Variants in WWOX observed in about 807,000 individuals in gnomAD.
The protein encoded by WWOX is WW domain-containing oxidoreductase.
In WWOX, 69 loss-of-function variants were observed where a neutral mutation model predicts 46.2. The ratio of observed to expected loss-of-function variants is 1.49; its 90% CI spans 1.23 to 1.82. The LOEUF (loss-of-function observed/expected upper bound fraction) is 1.82, where lower values mean the gene tolerates loss of function less well. WWOX is among the 40% of genes most tolerant of loss of function. The probability of loss-of-function intolerance (pLI) is 0.00; values close to 1 mark genes in which losing one functional copy is unlikely to be tolerated. For missense variants in WWOX, 919 were observed against 542.6 expected (o/e 1.69, Z -6.89); for synonymous variants, 359 against 202.6 (o/e 1.77, Z -6.56).
chr16:78,941,749 C>G (rs560206140), intron 8 of WWOX, among the ~76,000 whole-genome samples: 202 of 152,186 alleles, frequency 1.3e-3, no homozygotes, highest in African/African-American at 4.7e-3. Context: ...AATCGCCTTA[C>G]AATGAAATTA....
intron 8 of WWOX, among the ~76,000 whole-genome samples, chr16:78,919,568 A>C (rs192904939): frequency 6.6e-5 from 9 of 137,172 alleles, no homozygotes; most frequent in Admixed American, 1.6e-4. Context: ...TGCCAGATGG[A>C]GCACAATGGC....
At chr16:78,556,773 T>C (rs2044307709) in intron 8 of WWOX, among the ~76,000 whole-genome samples, 1 of 152,050 alleles carries the variant, frequency 6.6e-6, no homozygotes, top group Admixed American at 6.5e-5. Context: ...TGGAGTGAAG[T>C]GGCATGATCT....
At chr16:79,018,883 G>A (rs1432872775) in intron 8 of WWOX, among the ~76,000 whole-genome samples, 2 of 152,042 alleles carry the variant, frequency 1.3e-5, no homozygotes, top group Non-Finnish European at 2.9e-5. Context: ...GGGCGTGGTG[G>A]CTCACCCATG....
chr16:78,968,467 G>A (rs2046407200), intron 8 of WWOX, among the ~76,000 whole-genome samples: 1 of 152,214 alleles, frequency 6.6e-6, no homozygotes, highest in African/African-American at 2.4e-5. Context: ...TGCAAAATGA[G>A]ATGGCAGTCT....
At chr16:78,432,374 CG>C (rs2083242064) in intron 7 of WWOX, 113 bp from the exon 8 acceptor site, 2 of 1,412,250 alleles carry the variant, frequency 1.4e-6, no homozygotes, top group African/African-American at 2.8e-5. Context: ...CCAAAGTGCT[CG>C]GATTACAGAT....
chr16:78,469,500 C>A (rs1029958680), intron 8 of WWOX, among the ~76,000 whole-genome samples: 1 of 152,052 alleles, frequency 6.6e-6, no homozygotes. Context: ...GATGGTGTTA[C>A]GAATTACCCA....
At chr16:78,574,222 G>C (rs187950788) in intron 8 of WWOX, among the ~76,000 whole-genome samples, 4 of 152,288 alleles carry the variant, frequency 2.6e-5, no homozygotes, top group African/African-American at 4.8e-5. Context: ...TGGTCAACAA[G>C]ATGGTGTCTT....
chr16:78,790,199 C>T (rs1019852703), intron 8 of WWOX, among the ~76,000 whole-genome samples: 6 of 151,996 alleles, frequency 3.9e-5, no homozygotes, highest in East Asian at 3.9e-4. Context: ...TGCAGTGGTG[C>T]GATCTCAGCT....
chr16:78,615,228 C>T (rs2045993743), intron 8 of WWOX, among the ~76,000 whole-genome samples: 1 of 152,128 alleles, frequency 6.6e-6, no homozygotes, highest in African/African-American at 2.4e-5. Flanking sequence ...AGGGCATCAC[C>T]ACTGTTGAAG....
chr16:78,660,671 G>T (rs2047189020), intron 8 of WWOX, among the ~76,000 whole-genome samples: 1 of 152,148 alleles, frequency 6.6e-6, no homozygotes, highest in Non-Finnish European at 1.5e-5. Flanking sequence ...AAACGTTTCA[G>T]ACCTTTCAGT....
chr16:79,012,301 C>T (rs143526372), intron 8 of WWOX, among the ~76,000 whole-genome samples: 3 of 152,112 alleles, frequency 2.0e-5, no homozygotes, highest in East Asian at 1.9e-4. Context: ...GGTGCAATCT[C>T]GACTCACTGC....
chr16:78,527,295 T>C (rs1307113805), intron 8 of WWOX, among the ~76,000 whole-genome samples: 1 of 68,890 alleles, frequency 1.5e-5, no homozygotes, highest in East Asian at 9.1e-4. Flanking sequence ...TTTTTTTCTT[T>C]CTTTTTTTTT....
At chr16:78,334,808 G>GCGCACACACA (rs1555521509) in intron 5 of WWOX, among the ~76,000 whole-genome samples, 2 of 78,754 alleles carry the variant, frequency 2.5e-5, no homozygotes, top group Non-Finnish European at 5.8e-5. Flanking sequence ...ACACACACAC[G>GCGCACACACA]CACACACACA....
chr16:78,513,630 G>C (rs897837053), intron 8 of WWOX, among the ~76,000 whole-genome samples: 1 of 152,198 alleles, frequency 6.6e-6, no homozygotes, highest in Non-Finnish European at 1.5e-5. Context: ...TTGCCTGTGA[G>C]TCCCACTGAT....
chr16:78,777,866 G>A (rs998913898), intron 8 of WWOX, among the ~76,000 whole-genome samples: 1 of 151,896 alleles, frequency 6.6e-6, no homozygotes, highest in South Asian at 2.1e-4. Flanking sequence ...CCAGCATGGT[G>A]AAACCCTGTC....
intron 8 of WWOX, among the ~76,000 whole-genome samples, chr16:78,479,659 T>A (rs558568474): frequency 6.6e-6 from 1 of 152,302 alleles, no homozygotes; most frequent in Admixed American, 6.5e-5. Context: ...ATGATTGACA[T>A]GGAGGTTCAT....
intron 8 of WWOX, among the ~76,000 whole-genome samples, chr16:78,449,973 T>C (rs1402854075): frequency 2.0e-5 from 3 of 151,968 alleles, no homozygotes; most frequent in South Asian, 2.1e-4. Context: ...ATCTAGACTA[T>C]ATGTAATCCT....
At chr16:79,025,027 T>C (rs555377142) in intron 8 of WWOX, among the ~76,000 whole-genome samples, 39 of 152,296 alleles carry the variant, frequency 2.6e-4, no homozygotes, top group African/African-American at 7.7e-4. Context: ...CCAGGCCCAG[T>C]TGGGGAGGAC....
chr16:79,146,892 C>T (rs551958489), intron 8 of WWOX, among the ~76,000 whole-genome samples: 1 of 152,106 alleles, frequency 6.6e-6, no homozygotes, highest in Non-Finnish European at 1.5e-5. Flanking sequence ...ACATGTGTCC[C>T]TTCATGTCTA....
Sources: gnomAD v4.1 joint callset for allele counts (sites outside exome capture counted in the v4.1 genomes callset) on GRCh38, gnomAD v4.1.1 for gene constraint, MANE v1.5 for transcripts, NCBI Gene and HGNC (gene_info 2026-07-23, HGNC 2026-07-21) for gene names.